The following CPNE5 variants were observed in gnomAD, a reference collection of about 807,000 sequenced individuals.
The protein encoded by CPNE5 is copine-5.
A neutral mutation model predicts 81.1 loss-of-function variants in CPNE5; 42 were observed. That is an observed-to-expected ratio of 0.52 (90% CI 0.40 to 0.67). The LOEUF (loss-of-function observed/expected upper bound fraction) is 0.67. Ranked by LOEUF, CPNE5 falls within the 30% of genes least tolerant of loss-of-function variation. The pLI is 0.00. For synonymous variants in CPNE5, 313 were observed against 321.5 expected (o/e 0.97, Z 0.28); for missense variants, 612 against 815.5 (o/e 0.75, Z 3.04).
At chr6:36,777,802 A>ACACACACACACACAC (rs1767682722) in intron 9 of CPNE5, among the ~76,000 whole-genome samples, 1 of 96,556 alleles carries the variant, frequency 1.0e-5, no homozygotes, top group African/African-American at 3.9e-5. Context: ...ACACACACAC[A>ACACACACACACACAC]ATTTCAAGGG....
chr6:36,838,440 C>T (rs1773724667), intron 1 of CPNE5, among the ~76,000 whole-genome samples: 1 of 152,168 alleles, frequency 6.6e-6, no homozygotes, highest in Non-Finnish European at 1.5e-5. Context: ...CCACCCATAC[C>T]CTCTTACTGC....
rs753998421 is a variant in CPNE5, at chr6:36,745,114, C to G, written c.1365G>C (p.Ser455=). 1.1e-5 allele frequency: 17 copies of G among 1,614,014 alleles called. No individual in the cohort carries two copies. The highest frequency in any genetic ancestry group is 1.4e-5 in the Non-Finnish European group (16 of 1,179,956). The change falls in exon 18 of 21, where the codon TCG becomes TCC. Residue 455 remains serine, a synonymous_variant. Coordinates refer to ENST00000244751, the MANE Select transcript of CPNE5 (RefSeq NM_020939.2). The part of the protein sequence containing the change: ...AAAVQDGSQY[S]VLLIITDGVI... Reference sequence around the variant, plus strand: ...CCCCATCAGTAATGATGAGCAGCACCGAGTACTGGGAGCCATCCTGCACGG... The same window carrying G: ...CCCCATCAGTAATGATGAGCAGCACGGAGTACTGGGAGCCATCCTGCACGG...
chr6:36,825,641 G>A (rs183155754), intron 1 of CPNE5, among the ~76,000 whole-genome samples: 4 of 152,196 alleles, frequency 2.6e-5, no homozygotes, highest in Non-Finnish European at 5.9e-5. Flanking sequence ...TGAGAAGTAG[G>A]CAGCAGGGGC....
intron 7 of CPNE5, 92 bp from the exon 8 acceptor site, chr6:36,792,188 C>G: frequency 7.6e-7 from 1 of 1,311,568 alleles, no homozygotes; most frequent in Non-Finnish European, 1.1e-6. Flanking sequence ...CCCATCCTCC[C>G]CCGCCCCCTA....
In CPNE5 at chr6:36,802,270, A is replaced by G. The variant is rs141859001; in HGVS notation, c.184-2200T>C. On this transcript the variant is annotated intron_variant, in intron 3 of 20. Transcript: ENST00000244751. ...AGGTTATGATGGAAAATTTTATGCT[A>G]TATGCTTTTTTTCCCCACAATTATA... Among the ~76,000 whole-genome samples, 117 of 149,724 alleles carry G rather than the reference A, an allele frequency of 7.8e-4. 1 individual carries two copies. Among genetic ancestry groups the G allele is most frequent in the Middle Eastern group, 3.5e-3 (1 of 282 alleles).
intron 1 of CPNE5, among the ~76,000 whole-genome samples, chr6:36,823,658 A>G (rs1772254960): frequency 6.6e-6 from 1 of 152,180 alleles, no homozygotes; most frequent in African/African-American, 2.4e-5. Flanking sequence ...TGGCTCTGAT[A>G]ATCAGACTGG....
chr6:36,837,776 G>T (rs1006887511), intron 1 of CPNE5, among the ~76,000 whole-genome samples: 1 of 152,050 alleles, frequency 6.6e-6, no homozygotes, highest in Non-Finnish European at 1.5e-5. Context: ...GCTTGGAGGT[G>T]GGAAGGATCC....
At chr6:36,747,498 T>C (rs183418949) in intron 15 of CPNE5, among the ~76,000 whole-genome samples, 42 of 152,352 alleles carry the variant, frequency 2.8e-4, no homozygotes, top group African/African-American at 1.0e-3. Context: ...TTATGATAAC[T>C]ATCCTCAGTG....
chr6:36,790,548 C>T (rs1768991087), intron 8 of CPNE5, among the ~76,000 whole-genome samples: 1 of 152,224 alleles, frequency 6.6e-6, no homozygotes, highest in Non-Finnish European at 1.5e-5. Context: ...CCACTCTTCT[C>T]ATTAAATGAT....
At chr6:36,821,777 C>A (rs866706483) in intron 3 of CPNE5, among the ~76,000 whole-genome samples, 14 of 152,134 alleles carry the variant, frequency 9.2e-5, no homozygotes, top group Non-Finnish European at 1.8e-4. Context: ...GTGGATGAGG[C>A]CTGGTGCTAG....
intron 14 of CPNE5, among the ~76,000 whole-genome samples, chr6:36,752,121 C>T (rs1289859821): frequency 6.6e-6 from 1 of 152,138 alleles, no homozygotes; most frequent in East Asian, 1.9e-4. Context: ...TTCCCAGGAC[C>T]TGACTTCTCC....
At chr6:36,757,166 CTGTATT>C (rs1264305538) in intron 12 of CPNE5, 1 of 232,324 alleles carries the variant, frequency 4.3e-6, no homozygotes, top group Admixed American at 6.5e-5. Flanking sequence ...TCCGCACTTA[CTGTATT>C]TGTATTCTCA....
At chr6:36,813,560 C>G (rs1396713910) in intron 3 of CPNE5, among the ~76,000 whole-genome samples, 1 of 152,150 alleles carries the variant, frequency 6.6e-6, no homozygotes, top group African/African-American at 2.4e-5. Flanking sequence ...CCTCAAGTAG[C>G]TTAGCATCAC....
intron 3 of CPNE5, among the ~76,000 whole-genome samples, chr6:36,803,484 C>A (rs1393872569): frequency 6.6e-6 from 1 of 152,180 alleles, no homozygotes; most frequent in Non-Finnish European, 1.5e-5. Context: ...CTTTGTAGCC[C>A]AGGACCTAAC....
At chr6:36,745,219 A>T (rs1228414463) in intron 17 of CPNE5, 69 bp from the exon 18 acceptor site, 2 of 1,463,018 alleles carry the variant, frequency 1.4e-6, no homozygotes, top group Non-Finnish European at 1.9e-6. Flanking sequence ...CTAAACAAGG[A>T]CCCTGAACAC....
rs528034290 is a variant in CPNE5, at chr6:36,794,488, C to A, written c.464+102G>T. 1.3e-5 allele frequency: 14 copies of A among 1,118,378 alleles called. No homozygotes were observed. In the African/African-American group the frequency reaches 1.4e-4, roughly 11 times the overall value. 69.3% of individuals were successfully genotyped at this position (1,118,378 alleles called of 1,614,324 possible). ...TCTGTCCCCGGATCAGGGCCAAATT[C>A]GCAGTGATGGGAGCAGGGACGAGGC... On this transcript the variant is annotated intron_variant, in intron 7 of 20. Transcript: ENST00000244751.
At position 36,760,347 on chromosome 6, in the gene CPNE5, G is replaced by T. The variant is rs187175564; in HGVS notation, c.855+2570C>A. ...TCAGCTGCGGTGGGAGCATCTTTCA[G>T]TATCTCTTCCCACCTCCCATGTGCG... On this transcript the variant is annotated intron_variant, in intron 12 of 20. Transcript: ENST00000244751. Among the ~76,000 whole-genome samples, 580 of 152,144 alleles carry T rather than the reference G, an allele frequency of 3.8e-3. 1 individual carries two copies. The highest frequency in any genetic ancestry group is 6.9e-3 in the Non-Finnish European group (471 of 68,002).
chr6:36,782,541 A>T (rs537292412), intron 8 of CPNE5, among the ~76,000 whole-genome samples: 1 of 152,280 alleles, frequency 6.6e-6, no homozygotes, highest in South Asian at 2.1e-4. Context: ...ACAGTGGCTC[A>T]TGCCTGTAAT....
chr6:36,823,835 C>T (rs1046171710), intron 1 of CPNE5, among the ~76,000 whole-genome samples: 3 of 152,222 alleles, frequency 2.0e-5, no homozygotes, highest in East Asian at 1.9e-4. Context: ...TCCCGATTCT[C>T]ATGCTGCCCT....
Sources: gnomAD v4.1 joint callset for allele counts (sites outside exome capture counted in the v4.1 genomes callset) on GRCh38, gnomAD v4.1.1 for gene constraint, MANE v1.5 for transcripts, NCBI Gene and HGNC (gene_info 2026-07-23, HGNC 2026-07-21) for gene names.